TOM1: variants seen among roughly 807,000 people sequenced by gnomAD.
TOM1 encodes target of Myb protein 1.
Under a neutral mutation model 61.3 loss-of-function variants are expected in TOM1, and 38 were observed. The ratio of observed to expected loss-of-function variants is 0.62; its 90% CI spans 0.48 to 0.81. The LOEUF is 0.81. TOM1 is among the 40% of genes least tolerant of loss of function. The pLI, the probability that TOM1 is intolerant of heterozygous loss-of-function variation, is 0.00. For missense variants in TOM1, 591 were observed against 659.6 expected, an observed-to-expected ratio of 0.90 and a Z score of 1.14; for synonymous variants, 270 against 268.8, an observed-to-expected ratio of 1.00 and a Z score of -0.04.
chr22:35,333,772 C>T (rs1444742859), intron 10 of TOM1, among the ~76,000 whole-genome samples: 2 of 152,172 alleles, frequency 1.3e-5, no homozygotes, highest in African/African-American at 2.4e-5. Flanking sequence ...CAATCATCTG[C>T]GTGAGCTTGG....
intron 1 of TOM1, among the ~76,000 whole-genome samples, chr22:35,309,556 A>C (rs1401264441): frequency 6.6e-6 from 1 of 151,626 alleles, no homozygotes; most frequent in Non-Finnish European, 1.5e-5. Context: ...AGACAGGAGA[A>C]TCGCTTGAAC....
chr22:35,302,848 C>G (rs1273663332), intron 1 of TOM1, among the ~76,000 whole-genome samples: 2 of 152,182 alleles, frequency 1.3e-5, no homozygotes, highest in Non-Finnish European at 2.9e-5. Flanking sequence ...AGTTAATCCC[C>G]TCAGTATTCC....
intron 1 of TOM1, among the ~76,000 whole-genome samples, chr22:35,300,722 C>T (rs1199011247): frequency 2.0e-5 from 3 of 152,216 alleles, no homozygotes; most frequent in Non-Finnish European, 2.9e-5. Context: ...GTTCTCTGCA[C>T]CCTGGTGACA....
At chr22:35,310,826 G>GGA in intron 1 of TOM1, among the ~76,000 whole-genome samples, 1 of 152,186 alleles carries the variant, frequency 6.6e-6, no homozygotes, top group African/African-American at 2.4e-5. Context: ...CAGACTCCTG[G>GGA]GAGAGAGAGA....
At chr22:35,320,433 G>A (rs1034451958) in intron 2 of TOM1, among the ~76,000 whole-genome samples, 2 of 152,110 alleles carry the variant, frequency 1.3e-5, no homozygotes, top group African/African-American at 4.8e-5. Context: ...CCAGCTTCCA[G>A]GGGCCTCCCA....
At chr22:35,340,802 A>G (rs940664122) in intron 12 of TOM1, among the ~76,000 whole-genome samples, 11 of 152,212 alleles carry the variant, frequency 7.2e-5, no homozygotes, top group Admixed American at 5.9e-4. Context: ...AGGCCAGTCC[A>G]CTGTGGGCAA....
intron 1 of TOM1, among the ~76,000 whole-genome samples, chr22:35,312,790 G>A (rs569872293): frequency 1.6e-4 from 25 of 152,200 alleles, no homozygotes; most frequent in African/African-American, 6.0e-4. Flanking sequence ...AGAGGAAGGG[G>A]GTACAGCTGA....
At chr22:35,330,989 G>A (rs535054290) in intron 8 of TOM1, among the ~76,000 whole-genome samples, 3 of 152,190 alleles carry the variant, frequency 2.0e-5, no homozygotes, top group Admixed American at 1.3e-4. Flanking sequence ...GGATCCCAGG[G>A]CAGCTCAGAT....
At chr22:35,341,841 T>A (rs1929906377) in intron 12 of TOM1, among the ~76,000 whole-genome samples, 1 of 152,158 alleles carries the variant, frequency 6.6e-6, no homozygotes, top group Non-Finnish European at 1.5e-5. Context: ...CCTGGGAGAT[T>A]TAAGCCACTT....
At chr22:35,328,349 G>C (rs1928520941) in intron 7 of TOM1, among the ~76,000 whole-genome samples, 1 of 152,250 alleles carries the variant, frequency 6.6e-6, no homozygotes, top group Admixed American at 6.5e-5. Flanking sequence ...GGCTGAGCAA[G>C]GTGGATGCAG....
At chr22:35,340,709 G>A (rs549526016) in intron 12 of TOM1, among the ~76,000 whole-genome samples, 1 of 152,012 alleles carries the variant, frequency 6.6e-6, no homozygotes, top group Non-Finnish European at 1.5e-5. Flanking sequence ...ATTGCACTAC[G>A]ACACTCCAGC....
intron 1 of TOM1, among the ~76,000 whole-genome samples, chr22:35,304,229 T>G (rs1926109842): frequency 6.6e-6 from 1 of 152,148 alleles, no homozygotes; most frequent in Non-Finnish European, 1.5e-5. Flanking sequence ...TTTGAATTGA[T>G]GTCTGTCCCA....
intron 1 of TOM1, among the ~76,000 whole-genome samples, chr22:35,305,800 G>A (rs894690354): frequency 6.6e-6 from 1 of 152,198 alleles, no homozygotes; most frequent in Non-Finnish European, 1.5e-5. Context: ...TGCAAAGATG[G>A]AACTGGCTGC....
chr22:35,317,757 T>C (rs1025745857), intron 1 of TOM1, 120 bp from the exon 2 acceptor site: 6 of 721,516 alleles, frequency 8.3e-6, no homozygotes, highest in African/African-American at 3.5e-5. Context: ...CCAGGAAGTG[T>C]CTGTCATCTT....
chr22:35,346,799 G>C, intron 13 of TOM1, 131 bp from the exon 14 acceptor site: 1 of 828,016 alleles, frequency 1.2e-6, no homozygotes, highest in Non-Finnish European at 1.9e-6. Flanking sequence ...CCTGGGTGGT[G>C]GGGGCGTGCA....
intron 2 of TOM1, among the ~76,000 whole-genome samples, chr22:35,318,541 G>A (rs1927505552): frequency 6.6e-6 from 1 of 152,248 alleles, no homozygotes; most frequent in Non-Finnish European, 1.5e-5. Context: ...AAGGCACATG[G>A]TGTGGGGGAA....
rs1928063341 is a variant in TOM1, at chr22:35,323,734, G to T, written c.502-34G>T. 1 of 1,601,952 alleles carries T rather than the reference G, an allele frequency of 6.2e-7. No homozygotes were observed. Among genetic ancestry groups the T allele is most frequent in the African/African-American group, 1.3e-5 (1 of 74,702 alleles). ...ACTTCCTGGGCTCTTGATGTTCCCA[G>T]GAGCCCTCACTGATCCTGTTTTCCT... On this transcript the variant is annotated intron_variant, in intron 5 of 14. Coordinates refer to ENST00000449058, the MANE Select transcript of TOM1 (RefSeq NM_005488.3). This position sits in a 1 kb window ranked among gnomAD's most constrained non-coding sequence, Gnocchi z 4.2.
At chr22:35,317,799 C>A in intron 1 of TOM1, 78 bp from the exon 2 acceptor site, 10 of 1,088,764 alleles carry the variant, frequency 9.2e-6, no homozygotes, top group Non-Finnish European at 1.4e-5. Flanking sequence ...CCCTGCACCC[C>A]CCTCCTCTCC....
At position 35,330,424 on chromosome 22, in the gene TOM1, A is replaced by G. The variant is rs1928740594; in HGVS notation, c.843A>G (p.Thr281=). 5 of 1,613,246 alleles carry G rather than the reference A, an allele frequency of 3.1e-6. No individual in the cohort carries two copies. Among genetic ancestry groups the G allele is most frequent in the Admixed American group, 3.3e-5 (2 of 59,962 alleles). The change falls in exon 8 of 15, where the codon ACA becomes ACG. Residue 281 remains threonine, a synonymous_variant. Transcript: ENST00000449058. ...CTCAGATCGCCAATGAGCAGCTGAC[A>G]GAGGAGCTGCTCATCGTCAATGACA... The part of the protein sequence containing the change: ...LIPQIANEQL[T]EELLIVNDNL...
Sources: gnomAD v4.1 joint callset for allele counts (sites outside exome capture counted in the v4.1 genomes callset) on GRCh38, gnomAD v4.1.1 for gene constraint, Gnocchi (gnomAD v3.1) non-coding constraint, MANE v1.5 for transcripts, NCBI Gene and HGNC (gene_info 2026-07-23, HGNC 2026-07-21) for gene names.